Variants in PCNT observed in about 807,000 individuals in gnomAD.
PCNT encodes the protein pericentrin, also known as kendrin.
Under a neutral mutation model 380.4 loss-of-function variants are expected in PCNT, and 319 were observed. That is an observed-to-expected ratio of 0.84 (90% confidence interval 0.77 to 0.92). The LOEUF (loss-of-function observed/expected upper bound fraction) is 0.92, where lower values mean the gene tolerates loss of function less well. Among genes scored for constraint, PCNT ranks in the 40% least tolerant of loss-of-function variants. The pLI is 0.00. For missense variants in PCNT, 4,400 were observed against 4,255.3 expected, an observed-to-expected ratio of 1.03 and a Z score of -0.95; for synonymous variants, 1,845 against 1,735.2, an observed-to-expected ratio of 1.06 and a Z score of -1.57.
chr21:46,371,629 C>G (rs1230323942), intron 15 of PCNT, among the ~76,000 whole-genome samples: 1 of 152,236 alleles, frequency 6.6e-6, no homozygotes, highest in Non-Finnish European at 1.5e-5. Flanking sequence ...GTGAAGGGGC[C>G]TGGCTGAGGT....
Position 46,363,543 on chromosome 21 carries a change from C to G in PCNT, c.2218C>G (p.Leu740Val). 6.2e-7 allele frequency: 1 copy of G among 1,613,912 alleles called. No homozygotes were observed. The highest frequency in any genetic ancestry group is 1.1e-5 in the South Asian group (1 of 91,068). Residue 740 changes from leucine (L) to valine (V), a missense_variant, in exon 14 of 47, where the codon CTG becomes GTG. Leu to Val is a conservative substitution (Grantham distance 32). Coordinates refer to ENST00000359568, the MANE Select transcript of PCNT (RefSeq NM_006031.6). Reference sequence around the variant, plus strand: ...AAATAATGCTAAGCAAAAGACTGAGCTGATGAAACAGGAATTCCAAAGAAA... The same window carrying G: ...AAATAATGCTAAGCAAAAGACTGAGGTGATGAAACAGGAATTCCAAAGAAA... ...ELNNAKQKTE[L>V]MKQEFQRKET...
intron 15 of PCNT, among the ~76,000 whole-genome samples, chr21:46,367,542 A>C (rs940181203): frequency 6.6e-6 from 1 of 152,098 alleles, no homozygotes; most frequent in African/African-American, 2.4e-5. Flanking sequence ...TCCTGACTTC[A>C]GGCGATCCAC....
intron 1 of PCNT, among the ~76,000 whole-genome samples, chr21:46,324,568 G>GTT (rs1555938906): frequency 6.7e-6 from 1 of 148,610 alleles, no homozygotes; most frequent in Non-Finnish European, 1.5e-5. Flanking sequence ...TGCGTCGGGG[G>GTT]GGGTGGGGCG....
Position 46,440,861 on chromosome 21 carries a change from A to G in PCNT, c.9400A>G (p.Lys3134Glu). The change falls in exon 43 of 47, where the codon AAA becomes GAA. Residue 3134 changes from lysine (K) to glutamate (E), a missense_variant. Physicochemically the swap from Lys to Glu is moderately conservative, Grantham distance 56. Coordinates refer to ENST00000359568, the MANE Select transcript of PCNT (RefSeq NM_006031.6). ...EAHTSNVKMEKLYLHYLRAES... is the reference protein window; with the variant it reads ...EAHTSNVKMEELYLHYLRAES... ...ACTGCTTTTTTTCTTTTAGATGGAA[A>G]AATTGTACCTGCATTACTTGAGAGC... 1 of 1,601,672 alleles carries G rather than the reference A, an allele frequency of 6.2e-7. No individual in the cohort carries two copies. Among genetic ancestry groups the G allele is most frequent in the South Asian group, 1.1e-5 (1 of 90,822 alleles).
intron 24 of PCNT, 56 bp downstream of exon 24, chr21:46,398,311 C>A: frequency 6.5e-7 from 1 of 1,533,342 alleles, no homozygotes; most frequent in Non-Finnish European, 8.9e-7. Flanking sequence ...GGCTCCCCTG[C>A]GCTCGCTGGG....
intron 43 of PCNT, among the ~76,000 whole-genome samples, chr21:46,441,323 G>T (rs183525695): frequency 2.0e-4 from 30 of 152,340 alleles, no homozygotes; most frequent in African/African-American, 7.2e-4. Flanking sequence ...TATTACAGAG[G>T]AACATCTTGA....
At position 46,353,979 on chromosome 21, in the gene PCNT, C is replaced by G. The variant is rs563960825; in HGVS notation, c.1680-8C>G. ...GTGTAAAGCTTTTATAAAATGTTTT[C>G]CCTTCAGGTTGTCCTGTGTGGGTTT... is the stretch of plus-strand genomic sequence containing the variant. On this transcript the variant is annotated splice_region_variant and splice_polypyrimidine_tract_variant and intron_variant, in intron 10 of 46. Transcript: ENST00000359568. 2 of 1,611,380 alleles carry G rather than the reference C, an allele frequency of 1.2e-6. No individual in the cohort carries two copies. The highest frequency in any genetic ancestry group is 2.7e-5 in the African/African-American group (2 of 74,948).
chr21:46,422,115 G>A lies in PCNT; in HGVS notation c.7170G>A (p.Lys2390=). The A allele has an allele frequency of 6.2e-7, 1 of 1,613,704 alleles. No individual in the cohort carries two copies. Among genetic ancestry groups the A allele is most frequent in the African/African-American group, 1.3e-5 (1 of 75,072 alleles). ...EAMKEKEVRP[K]HVKALLQMVR... ...TGAAGGAGAAGGAAGTGCGTCCGAA[G>A]CACGTGAAGGTATGGCTGGCAGGGG... is the stretch of plus-strand genomic sequence containing the variant. The change falls in exon 32 of 47, where the codon AAG becomes AAA. Residue 2390 remains lysine (K), a synonymous_variant. Transcript: ENST00000359568.
At position 46,326,564 on chromosome 21, in the gene PCNT, G is replaced by A; in HGVS notation, c.242G>A (p.Gly81Glu). The A allele has an allele frequency of 6.2e-7, 1 of 1,614,088 alleles. No homozygotes were observed. The highest frequency in any genetic ancestry group is 8.5e-7 in the Non-Finnish European group (1 of 1,179,952). ...ACATCATGTGACGACACCCCTGATG[G>A]GGCAGGAGGGGCCTTTGCAGCTCAG... is the stretch of plus-strand genomic sequence containing the variant. ...KSTSCDDTPD[G>E]AGGAFAAQPE... The change falls in exon 2 of 47, where the codon GGG becomes GAG. Residue 81 changes from glycine to glutamate, a missense_variant. Transcript: ENST00000359568.
At chr21:46,417,628 G>C (rs137955061) in intron 30 of PCNT, among the ~76,000 whole-genome samples, 15 of 152,252 alleles carry the variant, frequency 9.9e-5, no homozygotes, top group South Asian at 6.2e-4. Context: ...ATCAGGTATG[G>C]TTGGGCTCAT....
rs755547374 is a variant in PCNT, at chr21:46,427,737, C to G, written c.7436C>G (p.Ser2479Ter). 1 of 1,613,770 alleles carries G rather than the reference C, an allele frequency of 6.2e-7. No individual in the cohort carries two copies. Among genetic ancestry groups the G allele is most frequent in the East Asian group, 2.2e-5 (1 of 44,884 alleles). The change falls in exon 34 of 47, where the codon TCA becomes TGA. Residue 2479 changes from serine (S) to a stop codon, truncating the protein, a stop_gained. Transcript: ENST00000359568. LOFTEE classifies it high-confidence loss of function. ...GAGCTGCAGCCCCGACTCAGTGGCTCAGATCTGGGGGGTCACAGCTCCCTG... is the reference window on the plus strand; with the variant it reads ...GAGCTGCAGCCCCGACTCAGTGGCTGAGATCTGGGGGGTCACAGCTCCCTG... ...GVELQPRLSG[S>*]DLGGHSSLLE...
At position 46,427,815 on chromosome 21, in the gene PCNT, C is replaced by T; in HGVS notation, c.7494+20C>T. The T allele has an allele frequency of 1.9e-6, 3 of 1,612,516 alleles. No individual in the cohort carries two copies. The highest frequency in any genetic ancestry group is 2.5e-6 in the Non-Finnish European group (3 of 1,179,796). ...GAGCAGGTGAGTGTCAGCTCTGCCACCAGGCCTCAGTTTGCCCCAGGGGTC... is the reference window on the plus strand; with the variant it reads ...GAGCAGGTGAGTGTCAGCTCTGCCATCAGGCCTCAGTTTGCCCCAGGGGTC... On this transcript the variant is annotated intron_variant, in intron 34 of 46. Coordinates refer to ENST00000359568, the MANE Select transcript of PCNT (RefSeq NM_006031.6).
Position 46,324,273 on chromosome 21 carries a change from G to A in PCNT, c.45G>A (p.Gly15=), listed in dbSNP as rs754779957. The stretch of plus-strand genomic sequence containing the variant: ...AGCGGCGCAGAAAGGTGGAGGCCGG[G>A]AGGACGAAGGTAAACATTAGGGGCT... ...QEQRRRKVEA[G]RTKLAHFRQR... The change falls in exon 1 of 47, where the codon GGG becomes GGA. Residue 15 remains glycine (G), a synonymous_variant. Coordinates refer to ENST00000359568, the MANE Select transcript of PCNT (RefSeq NM_006031.6). 6.2e-7 allele frequency: 1 copy of A among 1,611,316 alleles called. No homozygotes were observed. The highest frequency in any genetic ancestry group is 8.5e-7 in the Non-Finnish European group (1 of 1,178,618).
chr21:46,344,711 C>T (rs2084011276), intron 3 of PCNT, among the ~76,000 whole-genome samples: 1 of 152,244 alleles, frequency 6.6e-6, no homozygotes, highest in Non-Finnish European at 1.5e-5. Context: ...GTCCCAGGCG[C>T]CAGTCGAGGG....
intron 39 of PCNT, among the ~76,000 whole-genome samples, chr21:46,436,662 C>T (rs923147502): frequency 2.0e-5 from 3 of 152,196 alleles, no homozygotes; most frequent in African/African-American, 7.2e-5. Context: ...AGCATGATTT[C>T]TAAGCAAAGT....
At chr21:46,365,105 C>T (rs567013024) in intron 14 of PCNT, among the ~76,000 whole-genome samples, 2 of 152,192 alleles carry the variant, frequency 1.3e-5, no homozygotes, top group South Asian at 2.1e-4. Context: ...TTCACTGCCA[C>T]GGGGTTCTAT....
At chr21:46,324,552 T>TGCGCA (rs2083293730) in intron 1 of PCNT, among the ~76,000 whole-genome samples, 2 of 147,480 alleles carry the variant, frequency 1.4e-5, no homozygotes, top group African/African-American at 4.9e-5. Context: ...GGGGCGGGGC[T>TGCGCA]GCGCCTGCGT....
chr21:46,353,707 C>T (rs994205663), intron 10 of PCNT, among the ~76,000 whole-genome samples: 22 of 144,860 alleles, frequency 1.5e-4, no homozygotes, highest in African/African-American at 5.6e-4. Flanking sequence ...CAGGGGCACT[C>T]TCCTCCAGGT....
In PCNT at chr21:46,428,553, G is replaced by A. The variant is rs749003465; in HGVS notation, c.7653G>A (p.Ala2551=). 38 of 1,606,660 alleles carry A rather than the reference G, an allele frequency of 2.4e-5. No individual in the cohort carries two copies. Among genetic ancestry groups the A allele is most frequent in the African/African-American group, 6.7e-5 (5 of 75,014 alleles). ...HLRTALTSAE[A]RGSQQEHQLR... is the part of the protein sequence containing the mutation. ...GCACGGCGCTGACAAGCGCAGAGGCGCGCGGGAGCCAGCAGGAGCACCAGC... is the reference window on the plus strand; with the variant it reads ...GCACGGCGCTGACAAGCGCAGAGGCACGCGGGAGCCAGCAGGAGCACCAGC... Residue 2551 remains alanine, a synonymous_variant, in exon 35 of 47, where the codon GCG becomes GCA. Coordinates refer to ENST00000359568, the MANE Select transcript of PCNT (RefSeq NM_006031.6).
Sources: allele counts gnomAD v4.1 joint callset (sites outside exome capture counted in the v4.1 genomes callset), GRCh38; gene constraint gnomAD v4.1.1; transcripts MANE v1.5; gene names NCBI Gene and HGNC (gene_info 2026-07-23, HGNC 2026-07-21).